SVIL: variants seen among roughly 807,000 people sequenced by gnomAD.
SVIL encodes the protein supervillin, also known as archvillin.
Under a neutral mutation model 240.4 loss-of-function variants are expected in SVIL, and 101 were observed. That is an observed-to-expected ratio of 0.42 (90% CI 0.36 to 0.50). SVIL has a LOEUF of 0.50. SVIL is among the 20% of genes least tolerant of loss of function. SVIL has a pLI of 0.01. For missense variants in SVIL, 2,512 were observed against 2,818.7 expected (o/e 0.89, Z 2.46); for synonymous variants, 999 against 1,100.0 (o/e 0.91, Z 1.82).
intron 1 of SVIL, among the ~76,000 whole-genome samples, chr10:29,601,836 TCTC>T (rs1446882914): frequency 6.6e-6 from 1 of 152,232 alleles, no homozygotes; most frequent in Non-Finnish European, 1.5e-5. Flanking sequence ...GGTGGCATCA[TCTC>T]CTGCTCAGCA....
At chr10:29,505,100 A>G (rs1488997354) in intron 17 of SVIL, among the ~76,000 whole-genome samples, 1 of 152,220 alleles carries the variant, frequency 6.6e-6, no homozygotes, top group Non-Finnish European at 1.5e-5. Flanking sequence ...AGGTGGGCGG[A>G]TCACCTGAGG....
intron 21 of SVIL, among the ~76,000 whole-genome samples, chr10:29,492,868 GC>G (rs1948101016): frequency 6.6e-6 from 1 of 152,164 alleles, no homozygotes; most frequent in African/African-American, 2.4e-5. Context: ...TGAAAGACAG[GC>G]GTTGAACTCT....
In SVIL at chr10:29,473,931, G is replaced by A; in HGVS notation, c.5436C>T (p.Val1812=). ...SVRAAGKEKC[V]YFFWQGRHST... ...AGTGCCGGCCTTGCCAGAAGAAGTA[G>A]ACGCACTTCTCTTTGCCGGCTGCCC... is the stretch of plus-strand genomic sequence containing the variant. Residue 1812 remains valine, a synonymous_variant, in exon 30 of 38, where the codon GTC becomes GTT. Coordinates refer to ENST00000355867, the MANE Select transcript of SVIL (RefSeq NM_021738.3). 6.2e-7 allele frequency: 1 copy of A among 1,614,062 alleles called. No individual in the cohort carries two copies. Among genetic ancestry groups the A allele is most frequent in the South Asian group, 1.1e-5 (1 of 91,070 alleles).
intron 1 of SVIL, among the ~76,000 whole-genome samples, chr10:29,707,297 T>C (rs1159353621): frequency 6.6e-5 from 10 of 152,222 alleles, no homozygotes; most frequent in Non-Finnish European, 1.2e-4. Flanking sequence ...CATTTGTTTG[T>C]GTACTCTCTT....
At chr10:29,585,700 G>A (rs928227654) in intron 1 of SVIL, among the ~76,000 whole-genome samples, 7 of 152,310 alleles carry the variant, frequency 4.6e-5, no homozygotes, top group South Asian at 4.1e-4. Flanking sequence ...CCAGCAGTAA[G>A]AGCGTCCCTG....
intron 1 of SVIL, among the ~76,000 whole-genome samples, chr10:29,717,232 CAAAAAAAAAAAAAAAAAAA>C (rs71023503): frequency 5.2e-5 from 2 of 38,298 alleles, no homozygotes; most frequent in Non-Finnish European, 9.2e-5. Flanking sequence ...GACTCTCTCT[CAAAAAAAAAAAAAAAAAAA>C]AAAAAAAAAA....
intron 6 of SVIL, among the ~76,000 whole-genome samples, chr10:29,538,952 C>A (rs1327650097): frequency 6.6e-6 from 1 of 152,114 alleles, no homozygotes; most frequent in East Asian, 1.9e-4. Flanking sequence ...TCCCTTGAGG[C>A]CAGGAGTTCG....
chr10:29,472,679 CTGGGGTTATAAGGCCA>C (rs898561178), intron 30 of SVIL, among the ~76,000 whole-genome samples: 5 of 152,144 alleles, frequency 3.3e-5, no homozygotes, highest in Admixed American at 6.5e-5. Context: ...GATGCAGGCC[CTGGGGTTATAAGGCCA>C]TGGGGTTGTG....
rs373542760 is a variant in SVIL at position 29,480,677 on chromosome 10, T to C, written c.5237A>G (p.Gln1746Arg). ...CACGGAAACGCTGGTGATCTCAAAC[T>C]GCCTCCTGTCGTGTCCTTCCACCAG... is the stretch of plus-strand genomic sequence containing the variant. ...YGLVEGHDRR[Q>R]FEITSVSVDV... Residue 1746 changes from glutamine (Q) to arginine (R), a missense_variant, in exon 29 of 38, where the codon CAG (glutamine) becomes CGG (arginine). Physicochemically the swap from Gln to Arg is conservative, Grantham distance 43. Around this residue, in one of 3 missense-constraint regions of SVIL, gnomAD observed 797 missense variants for 925.3 expected, o/e 0.86. Transcript: ENST00000355867. 9 of 1,614,228 alleles carry C rather than the reference T, an allele frequency of 5.6e-6. No individual in the cohort carries two copies. The highest frequency in any genetic ancestry group is 5.9e-6 in the Non-Finnish European group (7 of 1,180,036).
intron 6 of SVIL, among the ~76,000 whole-genome samples, chr10:29,546,795 C>T (rs1354680683): frequency 6.6e-6 from 1 of 151,996 alleles, no homozygotes. Context: ...TGCTAGCGAG[C>T]ACAGAACAAA....
chr10:29,674,489 A>T (rs1960049770), intron 2 of SVIL, among the ~76,000 whole-genome samples: 1 of 152,248 alleles, frequency 6.6e-6, no homozygotes, highest in Non-Finnish European at 1.5e-5. Context: ...AAATTAGCTT[A>T]GAAAAATCTC....
chr10:29,631,593 G>A (rs557129645), intron 1 of SVIL, among the ~76,000 whole-genome samples: 18 of 151,970 alleles, frequency 1.2e-4, no homozygotes, highest in Middle Eastern at 3.4e-3. Flanking sequence ...TGACCAACAT[G>A]GTGAAACCCC....
chr10:29,526,989 C>G lies in SVIL; in HGVS notation c.2314G>C (p.Val772Leu), dbSNP rs566419574. The change falls in exon 13 of 38, where the codon GTA becomes CTA. Residue 772 changes from valine (V) to leucine (L), a missense_variant. Physicochemically the swap from Val to Leu is conservative, Grantham distance 32. This residue lies in a region of SVIL where 1,443 missense variants were observed against 1,486.6 expected (regional missense o/e 0.97). Coordinates refer to ENST00000355867, the MANE Select transcript of SVIL (RefSeq NM_021738.3). Reference protein sequence around the residue: ...PVMARLPSPTVARSAVQPARL... With the variant: ...PVMARLPSPTLARSAVQPARL... Reference sequence around the variant, plus strand: ...GCAGGCTGCACAGCGCTCCTAGCTACAGTGGGGCTAGGAAGTCTCGCCATT... The same window carrying G: ...GCAGGCTGCACAGCGCTCCTAGCTAGAGTGGGGCTAGGAAGTCTCGCCATT... The G allele has an allele frequency of 1.9e-6, 3 of 1,610,536 alleles. No homozygotes were observed. Among genetic ancestry groups the G allele is most frequent in the Non-Finnish European group, 2.5e-6 (3 of 1,178,716 alleles).
intron 1 of SVIL, among the ~76,000 whole-genome samples, chr10:29,594,431 G>T (rs1956502851): frequency 6.6e-6 from 1 of 152,178 alleles, no homozygotes; most frequent in African/African-American, 2.4e-5. Context: ...TGATAATGAT[G>T]TGTCAGTGTA....
chr10:29,664,253 T>C (rs1959191130), intron 2 of SVIL, among the ~76,000 whole-genome samples: 1 of 152,216 alleles, frequency 6.6e-6, no homozygotes, highest in Non-Finnish European at 1.5e-5. Flanking sequence ...TTTTTCAAAA[T>C]GTATATTCAT....
intron 2 of SVIL, among the ~76,000 whole-genome samples, chr10:29,661,485 A>G (rs1016686165): frequency 6.6e-6 from 1 of 152,212 alleles, no homozygotes; most frequent in African/African-American, 2.4e-5. Context: ...TTAATGCAGC[A>G]GGAGGAGATG....
chr10:29,620,565 T>G (rs1329407369), intron 1 of SVIL, among the ~76,000 whole-genome samples: 1 of 152,340 alleles, frequency 6.6e-6, no homozygotes, highest in East Asian at 1.9e-4. Flanking sequence ...CCAATTCAAC[T>G]TGTGTATTCA....
At chr10:29,658,134 CA>C (rs1162487567) in intron 2 of SVIL, 2 of 152,188 alleles carry the variant, frequency 1.3e-5, no homozygotes, top group African/African-American at 4.8e-5. Flanking sequence ...ACAAGACAAC[CA>C]CACGTACGAA....
Position 29,532,639 on chromosome 10 carries a change from G to A in SVIL, c.1728C>T (p.Ser576=), listed in dbSNP as rs1314066026. The A allele has an allele frequency of 5.0e-6, 8 of 1,614,192 alleles. No individual in the cohort carries two copies. The South Asian group carries it at 8.8e-5, about 18-fold the overall frequency. Residue 576 remains serine (S), a synonymous_variant, in exon 8 of 38, where the codon TCC becomes TCT. Coordinates refer to ENST00000355867, the MANE Select transcript of SVIL (RefSeq NM_021738.3). ...TCTCCCCATAAGGCCCTTCGGTCTT[G>A]GAGCTGGGCAGCTCCAGCTCTCTCC... ...ASRRELELPS[S]KTEGPYGEIS...
Sources: gnomAD v4.1 joint callset for allele counts (sites outside exome capture counted in the v4.1 genomes callset) on GRCh38, gnomAD v4.1.1 for gene constraint, gnomAD v4.1.1 regional missense constraint, MANE v1.5 for transcripts, NCBI Gene and HGNC (gene_info 2026-07-23, HGNC 2026-07-21) for gene names.